FBXL17: variants seen among roughly 807,000 people sequenced by gnomAD.
FBXL17 encodes F-box and leucine rich repeat protein 17.
A neutral mutation model predicts 66.2 loss-of-function variants in FBXL17; 22 were observed. The ratio of observed to expected loss-of-function variants is 0.33; its 90% CI spans 0.24 to 0.47. The LOEUF is 0.47. FBXL17 is among the 20% of genes least tolerant of loss of function. The pLI is 1.00. For missense variants in FBXL17, 878 were observed against 948.2 expected, an observed-to-expected ratio of 0.93 and a Z score of 0.97; for synonymous variants, 474 against 400.5, an observed-to-expected ratio of 1.18 and a Z score of -2.19.
chr5:108,116,566 T>C (rs1259854954), intron 6 of FBXL17, among the ~76,000 whole-genome samples: 1 of 151,906 alleles, frequency 6.6e-6, no homozygotes, highest in African/African-American at 2.4e-5. Flanking sequence ...GAGAATCGCT[T>C]GAACCCGGGA....
intron 4 of FBXL17, among the ~76,000 whole-genome samples, chr5:108,252,149 T>C (rs1007940059): frequency 6.6e-6 from 1 of 152,130 alleles, no homozygotes; most frequent in South Asian, 2.1e-4. Context: ...TTTCCAATAT[T>C]GGTGAGAATA....
intron 5 of FBXL17, among the ~76,000 whole-genome samples, chr5:108,191,723 G>A (rs1430938990): frequency 2.0e-5 from 3 of 152,148 alleles, no homozygotes; most frequent in Admixed American, 6.5e-5. Context: ...TCACAATAAG[G>A]TAGACTAGAT....
intron 7 of FBXL17, among the ~76,000 whole-genome samples, chr5:108,012,173 T>C (rs868270057): frequency 1.2e-4 from 19 of 152,318 alleles, no homozygotes; most frequent in Admixed American, 5.2e-4. Flanking sequence ...CTATTGAAAA[T>C]AGGTAATACT....
chr5:108,339,188 CTGAAA>C (rs1424367883), intron 4 of FBXL17, among the ~76,000 whole-genome samples: 1 of 152,132 alleles, frequency 6.6e-6, no homozygotes, highest in Non-Finnish European at 1.5e-5. Flanking sequence ...AGTTTAGTCA[CTGAAA>C]TAACTGGGAA....
At chr5:108,052,116 A>G (rs74845152) in intron 6 of FBXL17, among the ~76,000 whole-genome samples, 2 of 101,008 alleles carry the variant, frequency 2.0e-5, no homozygotes, top group African/African-American at 4.2e-5. Flanking sequence ...TCGTCTCAAA[A>G]AAAAAAAAAA....
intron 6 of FBXL17, among the ~76,000 whole-genome samples, chr5:108,093,025 T>G (rs1244020723): frequency 6.6e-6 from 1 of 152,080 alleles, no homozygotes; most frequent in Non-Finnish European, 1.5e-5. Flanking sequence ...CTTAGACCAA[T>G]AACAAAATTT....
intron 4 of FBXL17, among the ~76,000 whole-genome samples, chr5:108,313,638 T>G (rs185826397): frequency 1.8e-4 from 27 of 152,122 alleles, no homozygotes; most frequent in Non-Finnish European, 2.9e-4. Context: ...TTCAATTATT[T>G]ACATTTATAT....
Position 107,861,700 on chromosome 5 carries a change from GA to G in FBXL17, c.*19del. 6.4e-7 allele frequency: 1 copy of G among 1,553,620 alleles called. No individual in the cohort carries two copies. The highest frequency in any genetic ancestry group is 8.7e-7 in the Non-Finnish European group (1 of 1,147,134). On this transcript the variant is annotated 3_prime_UTR_variant, in exon 9 of 9. Transcript: ENST00000542267. Reference sequence around the variant, plus strand: ...TCTGCTCTGCTGAATGATCCCAGTGGACTAGGCGAGGCAGGAGCGCTAGGAG... The same window carrying G: ...TCTGCTCTGCTGAATGATCCCAGTGGCTAGGCGAGGCAGGAGCGCTAGGAG...
intron 6 of FBXL17, among the ~76,000 whole-genome samples, chr5:108,131,032 T>C (rs1375915287): frequency 3.3e-5 from 5 of 152,148 alleles, no homozygotes; most frequent in Admixed American, 2.6e-4. Flanking sequence ...CATATACATC[T>C]CTAAGCAATT....
chr5:108,193,045 T>C (rs1446641869), intron 5 of FBXL17, among the ~76,000 whole-genome samples: 2 of 152,254 alleles, frequency 1.3e-5, no homozygotes, highest in Admixed American at 1.3e-4. Flanking sequence ...AAAACTTCTA[T>C]ATAGTTAAAT....
In FBXL17 at chr5:108,382,045, C is replaced by T; in HGVS notation, c.-354G>A. ...GAGCGGCCGGGGAAAGGCCGGGTCC[C>T]GCTCGGACCATTTTAACTGCGGATC... On this transcript the variant is annotated 5_prime_UTR_variant, in exon 1 of 9. Coordinates refer to ENST00000542267, the MANE Select transcript of FBXL17 (RefSeq NM_001163315.3). 7.5e-6 allele frequency: 7 copies of T among 931,550 alleles called. No homozygotes were observed. The highest frequency in any genetic ancestry group is 9.3e-6 in the Non-Finnish European group (7 of 756,508). The allele number at this position is 931,550 out of a possible 1,614,324, so 57.7% of individuals were successfully genotyped here.
intron 6 of FBXL17, among the ~76,000 whole-genome samples, chr5:108,029,426 G>A (rs1442482272): frequency 3.3e-5 from 5 of 152,078 alleles, no homozygotes; most frequent in Non-Finnish European, 2.9e-5. Context: ...TGAGTCTCAA[G>A]GATCATCACT....
At chr5:108,135,542 T>G (rs1267831443) in intron 6 of FBXL17, among the ~76,000 whole-genome samples, 2 of 152,150 alleles carry the variant, frequency 1.3e-5, no homozygotes, top group Non-Finnish European at 2.9e-5. Context: ...TGAACAAATC[T>G]AGATTTTTGT....
intron 5 of FBXL17, among the ~76,000 whole-genome samples, chr5:108,215,054 AT>A (rs1754541478): frequency 6.6e-6 from 1 of 152,196 alleles, no homozygotes; most frequent in Admixed American, 6.5e-5. Context: ...ATTCTTTTTC[AT>A]GGCTGAATAA....
At chr5:107,956,651 A>G (rs1751676385) in intron 7 of FBXL17, among the ~76,000 whole-genome samples, 1 of 152,166 alleles carries the variant, frequency 6.6e-6, no homozygotes, top group African/African-American at 2.4e-5. Flanking sequence ...AAATAGTATA[A>G]TTAGTTCAAT....
At chr5:107,999,106 G>A (rs998277799) in intron 7 of FBXL17, among the ~76,000 whole-genome samples, 2 of 152,082 alleles carry the variant, frequency 1.3e-5, no homozygotes, top group Non-Finnish European at 2.9e-5. Flanking sequence ...TACTTTCCAG[G>A]TATCTGGTAG....
chr5:108,172,903 C>T (rs1016671083), intron 6 of FBXL17, among the ~76,000 whole-genome samples: 7 of 152,184 alleles, frequency 4.6e-5, no homozygotes, highest in East Asian at 3.9e-4. Context: ...TGGGTTCAAG[C>T]GATTCTCCTG....
chr5:107,959,168 G>A (rs1056875488), intron 7 of FBXL17, among the ~76,000 whole-genome samples: 1 of 152,026 alleles, frequency 6.6e-6, no homozygotes, highest in Admixed American at 6.6e-5. Flanking sequence ...CTGCATTCAG[G>A]GCTGGCCATT....
chr5:107,922,296 G>A (rs145184294), intron 7 of FBXL17, among the ~76,000 whole-genome samples: 182 of 152,230 alleles, frequency 1.2e-3, no homozygotes, highest in African/African-American at 4.2e-3. Context: ...TGAATACAGA[G>A]CTTTTCAATT....
Sources: allele counts gnomAD v4.1 joint callset (sites outside exome capture counted in the v4.1 genomes callset), GRCh38; gene constraint gnomAD v4.1.1; transcripts MANE v1.5; gene names NCBI Gene and HGNC (gene_info 2026-07-23, HGNC 2026-07-21).